The following PDE2A variants were observed in gnomAD, a reference collection of about 807,000 sequenced individuals.
PDE2A encodes cGMP-dependent 3',5'-cyclic phosphodiesterase.
A neutral mutation model predicts 133.6 loss-of-function variants in PDE2A; 53 were observed. The ratio of observed to expected loss-of-function variants is 0.40; its 90% CI spans 0.32 to 0.50. The LOEUF is 0.50. Among genes scored for constraint, PDE2A ranks in the 20% least tolerant of loss-of-function variants. The pLI is 0.73. For synonymous variants in PDE2A, 491 were observed against 490.2 expected (o/e 1.00, Z -0.02); for missense variants, 796 against 1,232.4 (o/e 0.65, Z 5.30).
chr11:72,595,260 G>A (rs996136128), intron 6 of PDE2A, among the ~76,000 whole-genome samples: 1 of 152,084 alleles, frequency 6.6e-6, no homozygotes, highest in Non-Finnish European at 1.5e-5. Context: ...AAGGAGGTGC[G>A]TGACCCAGCC....
intron 1 of PDE2A, among the ~76,000 whole-genome samples, chr11:72,651,075 C>G (rs574017910): frequency 6.6e-6 from 1 of 152,176 alleles, no homozygotes; most frequent in East Asian, 1.9e-4. Flanking sequence ...CTTCAAGGCT[C>G]CAAGAACTCC....
intron 1 of PDE2A, among the ~76,000 whole-genome samples, chr11:72,663,654 A>G (rs1463439854): frequency 6.6e-6 from 1 of 151,234 alleles, no homozygotes; most frequent in Non-Finnish European, 1.5e-5. Context: ...ACTTGAACCC[A>G]GGAGGTGGAG....
chr11:72,581,675 C>T (rs1421162460), intron 22 of PDE2A, among the ~76,000 whole-genome samples, 196 bp from the exon 23 acceptor site: 1 of 152,224 alleles, frequency 6.6e-6, no homozygotes, highest in African/African-American at 2.4e-5. Context: ...TGCCTCCAGG[C>T]TTTGCCTTGC....
At chr11:72,606,712 G>C (rs922551330) in intron 3 of PDE2A, among the ~76,000 whole-genome samples, 2 of 152,180 alleles carry the variant, frequency 1.3e-5, no homozygotes, top group African/African-American at 4.8e-5. Flanking sequence ...GCCTGGGAGG[G>C]GCCTGAGTTA....
At chr11:72,591,771 G>A (rs1018222000) in intron 6 of PDE2A, among the ~76,000 whole-genome samples, 2 of 152,204 alleles carry the variant, frequency 1.3e-5, no homozygotes, top group Non-Finnish European at 2.9e-5. Flanking sequence ...CTGCCCCTAA[G>A]TCTTGGATAA....
At chr11:72,639,968 C>T (rs1034729669) in intron 2 of PDE2A, among the ~76,000 whole-genome samples, 2 of 152,104 alleles carry the variant, frequency 1.3e-5, no homozygotes, top group African/African-American at 2.4e-5. Flanking sequence ...TCCTCACACA[C>T]ACCTCATGCA....
At chr11:72,596,143 T>C (rs549423493) in intron 6 of PDE2A, among the ~76,000 whole-genome samples, 2 of 152,298 alleles carry the variant, frequency 1.3e-5, no homozygotes, top group African/African-American at 4.8e-5. Flanking sequence ...CTTATGTCCA[T>C]CTGTCCCTCC....
In PDE2A at chr11:72,585,607, A is replaced by T; in HGVS notation, c.1183-14T>A. 6.2e-7 allele frequency: 1 copy of T among 1,613,454 alleles called. No individual in the cohort carries two copies. The highest frequency in any genetic ancestry group is 8.5e-7 in the Non-Finnish European group (1 of 1,179,652). Reference sequence around the variant, plus strand: ...TTGGAGAAGAGCCTGGAATGAAGGAAATGGAGATCATAGGGGGGTCGGGGT... The same window carrying T: ...TTGGAGAAGAGCCTGGAATGAAGGATATGGAGATCATAGGGGGGTCGGGGT... On this transcript the variant is annotated splice_polypyrimidine_tract_variant and intron_variant, in intron 14 of 30. Transcript: ENST00000334456.
chr11:72,664,707 T>TAAACA (rs1215113840), intron 1 of PDE2A, among the ~76,000 whole-genome samples: 2 of 151,624 alleles, frequency 1.3e-5, no homozygotes, highest in African/African-American at 4.8e-5. Flanking sequence ...GCGATTTGTT[T>TAAACA]AATCGCCTCC....
chr11:72,663,358 G>A (rs1855130344), intron 1 of PDE2A, among the ~76,000 whole-genome samples: 3 of 152,178 alleles, frequency 2.0e-5, no homozygotes, highest in African/African-American at 7.2e-5. Context: ...CGGTGATCAC[G>A]GCAGGAAGCA....
intron 2 of PDE2A, among the ~76,000 whole-genome samples, chr11:72,613,810 C>A (rs927426597): frequency 6.6e-6 from 1 of 152,216 alleles, no homozygotes; most frequent in Non-Finnish European, 1.5e-5. Context: ...AGGCAAGTGT[C>A]ATCTACGCCT....
intron 2 of PDE2A, among the ~76,000 whole-genome samples, chr11:72,615,484 C>A (rs1024788497): frequency 5.3e-5 from 8 of 152,146 alleles, no homozygotes; most frequent in Admixed American, 3.9e-4. Flanking sequence ...AAGGAGGGAA[C>A]AGTCAGAGTG....
At chr11:72,586,039 G>T (rs374740239) in intron 14 of PDE2A, 31 bp downstream of exon 14, 10 of 1,287,658 alleles carry the variant, frequency 7.8e-6, no homozygotes, top group Non-Finnish European at 1.1e-5. Flanking sequence ...GCGAGTCGGT[G>T]CCCGAGAGAG....
chr11:72,669,645 G>A (rs761713242), intron 1 of PDE2A, among the ~76,000 whole-genome samples: 15 of 152,278 alleles, frequency 9.9e-5, no homozygotes, highest in South Asian at 4.2e-4. Context: ...AGGCTGTTCC[G>A]GCTGTCCTGG....
rs769418134 is a variant in PDE2A, at chr11:72,578,850, TG to T, written c.2469+46del. 4 of 1,202,788 alleles carry T rather than the reference TG, an allele frequency of 3.3e-6. No individual in the cohort carries two copies. Among genetic ancestry groups the T allele is most frequent in the Non-Finnish European group, 4.9e-6 (4 of 808,674 alleles). 74.5% of individuals were successfully genotyped at this position (1,202,788 alleles called of 1,614,324 possible). On this transcript the variant is annotated intron_variant, in intron 28 of 30. Coordinates refer to ENST00000334456, the MANE Select transcript of PDE2A (RefSeq NM_002599.5). The surrounding 1 kb of genome is among the most constrained non-coding windows in gnomAD (Gnocchi z 4.2). ...TTCAGGCACAGGGGGCACCCAAAGC[TG>T]GGCAGGGTGGGCAGCCTGTGCCTTC...
chr11:72,596,484 T>TCACA lies in PDE2A; in HGVS notation c.489+105_489+108dup, dbSNP rs60716742. ...CTCTCTCTCTCTCTCTCTCTCTCTCTCACACACACACACACACACACACAC... is the reference window on the plus strand; with the variant it reads ...CTCTCTCTCTCTCTCTCTCTCTCTCTCACACACACACACACACACACACACACAC... On this transcript the variant is annotated intron_variant, in intron 6 of 30. Transcript: ENST00000334456. The TCACA allele has an allele frequency of 1.6e-3, 303 of 192,176 alleles. 1 individual carries two copies. Among genetic ancestry groups the TCACA allele is most frequent in the Middle Eastern group, 3.3e-3 (5 of 1,526 alleles). 11.9% of individuals were successfully genotyped at this position (192,176 alleles called of 1,614,324 possible).
intron 2 of PDE2A, among the ~76,000 whole-genome samples, chr11:72,624,137 G>T (rs982723723): frequency 1.3e-5 from 2 of 151,880 alleles, no homozygotes; most frequent in South Asian, 4.2e-4. Flanking sequence ...GATTACAGGC[G>T]CCTGTCACCA....
At chr11:72,608,965 C>T (rs1358422993) in intron 2 of PDE2A, among the ~76,000 whole-genome samples, 1 of 152,214 alleles carries the variant, frequency 6.6e-6, no homozygotes, top group African/African-American at 2.4e-5. Flanking sequence ...AACTGAGGCG[C>T]AGAGAAGGGC....
chr11:72,596,482 TCTCACACA>T, intron 6 of PDE2A, 103 bp downstream of exon 6: 2 of 217,256 alleles, frequency 9.2e-6, no homozygotes, highest in Non-Finnish European at 7.5e-6. Context: ...TCTCTCTCTC[TCTCACACA>T]CACACACACA....
Sources: gnomAD v4.1 joint callset for allele counts (sites outside exome capture counted in the v4.1 genomes callset) on GRCh38, gnomAD v4.1.1 for gene constraint, Gnocchi (gnomAD v3.1) non-coding constraint, MANE v1.5 for transcripts, NCBI Gene and HGNC (gene_info 2026-07-23, HGNC 2026-07-21) for gene names.